ABCC9: variants seen among roughly 807,000 people sequenced by gnomAD.
The protein encoded by ABCC9 is ATP binding cassette subfamily C member 9.
Under a neutral mutation model 188.3 loss-of-function variants are expected in ABCC9, and 95 were observed. The ratio of observed to expected loss-of-function variants is 0.50; its 90% CI spans 0.43 to 0.60. The LOEUF (loss-of-function observed/expected upper bound fraction) is 0.60. ABCC9 is among the 20% of genes least tolerant of loss of function. The pLI, the probability that ABCC9 is intolerant of heterozygous loss-of-function variation, is 0.00. For missense variants in ABCC9, 1,102 were observed against 1,876.3 expected, an observed-to-expected ratio of 0.59 and a Z score of 7.62; for synonymous variants, 659 against 652.7, an observed-to-expected ratio of 1.01 and a Z score of -0.15.
rs779683676 is a variant in ABCC9, at chr12:21,872,593, T to A, written c.2198+32A>T. On this transcript the variant is annotated intron_variant, in intron 18 of 39. Transcript: ENST00000261200. ...TTGGAAGATTATCAGATGTATGACA[T>A]AGCAATGGAAGCCAACTAAAAATAT... The A allele has an allele frequency of 8.2e-6, 12 of 1,469,648 alleles. No homozygotes were observed. In the East Asian group the frequency reaches 2.0e-4, roughly 25 times the overall value. 91.0% of individuals were successfully genotyped at this position (1,469,648 alleles called of 1,614,324 possible). A position where few individuals can be genotyped will look rare whatever the true frequency, so the allele number is the denominator to read the frequency against.
At chr12:21,803,008 G>C (rs909417129) in intron 39 of ABCC9, among the ~76,000 whole-genome samples, 1 of 151,930 alleles carries the variant, frequency 6.6e-6, no homozygotes, top group African/African-American at 2.4e-5. Context: ...CCTATCATTC[G>C]CTGAATATTG....
At chr12:21,906,464 AAG>A (rs1305578770) in intron 11 of ABCC9, among the ~76,000 whole-genome samples, 176 bp from the exon 12 acceptor site, 1 of 152,118 alleles carries the variant, frequency 6.6e-6, no homozygotes, top group African/African-American at 2.4e-5. Context: ...TCATGAAATA[AAG>A]AGTTTAATGA....
chr12:21,912,942 C>T lies in ABCC9; in HGVS notation c.941G>A (p.Gly314Glu), dbSNP rs1328115473. 6.2e-7 allele frequency: 1 copy of T among 1,613,556 alleles called. No homozygotes were observed. The highest frequency in any genetic ancestry group is 8.5e-7 in the Non-Finnish European group (1 of 1,179,694). Residue 314 changes from glycine (G) to glutamate (E), a missense_variant, in exon 8 of 40, where the codon GGA (glycine) becomes GAA (glutamate). Coordinates refer to ENST00000261200, the MANE Select transcript of ABCC9 (RefSeq NM_020297.4). ...RYLADLLGFA[G>E]PLCISGIVQR... The stretch of plus-strand genomic sequence containing the variant: ...AACTATTCCAGAAATACAAAGAGGT[C>T]CAGCAAAACCCAGTAAATCAGCCAG...
chr12:21,913,404 A>G (rs779119429), intron 7 of ABCC9, among the ~76,000 whole-genome samples: 13 of 152,178 alleles, frequency 8.5e-5, no homozygotes, highest in Non-Finnish European at 1.6e-4. Flanking sequence ...GGGAAAATAT[A>G]TATTTGTCAT....
intron 29 of ABCC9, among the ~76,000 whole-genome samples, chr12:21,840,229 A>G (rs12297363): frequency 1.3e-5 from 2 of 152,314 alleles, no homozygotes; most frequent in East Asian, 1.9e-4. Flanking sequence ...TCTTTAGTGT[A>G]TACAAAAATG....
intron 12 of ABCC9, among the ~76,000 whole-genome samples, chr12:21,901,335 A>G (rs1228802221): frequency 1.4e-4 from 21 of 152,238 alleles, no homozygotes; most frequent in South Asian, 4.1e-4. Context: ...AACTGGTACC[A>G]GCCACGGCAA....
chr12:21,806,976 G>T (rs1941899543), intron 38 of ABCC9, among the ~76,000 whole-genome samples: 1 of 152,118 alleles, frequency 6.6e-6, no homozygotes, highest in Non-Finnish European at 1.5e-5. Context: ...AGTGGTGTTG[G>T]TTAGTAATAG....
chr12:21,816,117 C>T (rs1449463397), intron 33 of ABCC9, among the ~76,000 whole-genome samples: 13 of 95,660 alleles, frequency 1.4e-4, no homozygotes, highest in African/African-American at 4.4e-4. Flanking sequence ...CTTTTGATTA[C>T]GCACTTTTAA....
chr12:21,939,398 A>G (rs1051467751), intron 2 of ABCC9, among the ~76,000 whole-genome samples: 1 of 152,186 alleles, frequency 6.6e-6, no homozygotes, highest in Non-Finnish European at 1.5e-5. Flanking sequence ...CAGTAAACTT[A>G]TTGCTGATAT....
In ABCC9 at chr12:21,875,695, C is replaced by T; in HGVS notation, c.2051G>A (p.Gly684Asp). 6.2e-7 allele frequency: 1 copy of T among 1,612,630 alleles called. No homozygotes were observed. Among genetic ancestry groups the T allele is most frequent in the Non-Finnish European group, 8.5e-7 (1 of 1,178,814 alleles). ...ATCTATATTGGATAATGTAGCTAAA[C>T]CACTGCCCCATGAAAAGTATCCATT... ...VTNGYFSWGS[G>D]LATLSNIDIR... is the part of the protein sequence containing the mutation. Residue 684 changes from glycine to aspartate, a missense_variant, in exon 17 of 40, where the codon GGT becomes GAT. Coordinates refer to ENST00000261200, the MANE Select transcript of ABCC9 (RefSeq NM_020297.4).
rs1342969938 is a variant in ABCC9 at position 21,894,141 on chromosome 12, T to C, written c.1693A>G (p.Asn565Asp). The C allele has an allele frequency of 6.2e-7, 1 of 1,614,098 alleles. No homozygotes were observed. The change falls in exon 14 of 40, where the codon AAT (asparagine) becomes GAT (aspartate). Residue 565 changes from asparagine (N) to aspartate (D), a missense_variant. Physicochemically the swap from Asn to Asp is conservative, Grantham distance 23. This residue lies in a region of ABCC9 where 258 missense variants were observed against 325.6 expected (regional missense o/e 0.79). Transcript: ENST00000261200. ...GCAAAGGCCTCTGCAGGTTTCAGAT[T>C]GTTTCCACTGGCATACGCATGGGTC... is the stretch of plus-strand genomic sequence containing the variant. ...FVTHAYASGN[N>D]LKPAEAFASL...
intron 4 of ABCC9, among the ~76,000 whole-genome samples, chr12:21,930,604 C>G (rs1949244206): frequency 6.6e-6 from 1 of 152,124 alleles, no homozygotes; most frequent in South Asian, 2.1e-4. Context: ...ATAGGACTCT[C>G]CAGCACAAAT....
chr12:21,913,134 C>G, intron 7 of ABCC9, 68 bp from the exon 8 acceptor site: 2 of 1,367,590 alleles, frequency 1.5e-6, no homozygotes, highest in Non-Finnish European at 2.0e-6. Flanking sequence ...AGTAACTAAT[C>G]TCATGTATGG....
In ABCC9 at chr12:21,824,839, C is replaced by A. The variant is rs774027500; in HGVS notation, c.3669+4119G>T. ...ATTGATGTGGGATTAGTGGTGATAT[C>A]CCCTTTATCATTTTTTATTGCATGT... is the stretch of plus-strand genomic sequence containing the variant. On this transcript the variant is annotated intron_variant, in intron 31 of 39. Coordinates refer to ENST00000261200, the MANE Select transcript of ABCC9 (RefSeq NM_020297.4). Among the ~76,000 whole-genome samples the A allele has an allele frequency of 2.2e-4, 33 of 152,022 alleles. 1 individual carries two copies. The highest frequency in any genetic ancestry group is 2.0e-4 in the Admixed American group (3 of 15,254).
At chr12:21,882,943 C>T in intron 15 of ABCC9, 70 bp from the exon 16 acceptor site, 3 of 1,115,752 alleles carry the variant, frequency 2.7e-6, no homozygotes, top group Non-Finnish European at 4.1e-6. Context: ...TGAACACTTA[C>T]TCACATTGCT....
chr12:21,821,006 T>G (rs1943005215), intron 31 of ABCC9, among the ~76,000 whole-genome samples: 1 of 152,210 alleles, frequency 6.6e-6, no homozygotes, highest in Non-Finnish European at 1.5e-5. Context: ...TAATGCTAAA[T>G]ACATTGATTG....
intron 22 of ABCC9, among the ~76,000 whole-genome samples, chr12:21,855,957 G>C (rs1428246074): frequency 6.6e-6 from 1 of 152,018 alleles, no homozygotes; most frequent in African/African-American, 2.4e-5. Flanking sequence ...GTGTGATGTT[G>C]GATAAGTTAT....
chr12:21,851,796 T>C (rs1468071369), intron 24 of ABCC9, among the ~76,000 whole-genome samples: 3 of 152,172 alleles, frequency 2.0e-5, no homozygotes, highest in Admixed American at 6.6e-5. Context: ...AACGCCATGC[T>C]TCAGTTAAGT....
chr12:21,926,118 T>C, intron 4 of ABCC9, 55 bp from the exon 5 acceptor site: 6 of 1,607,252 alleles, frequency 3.7e-6, no homozygotes, highest in South Asian at 2.2e-5. Context: ...TAATTTCTTA[T>C]TTTTTTTCAA....
Sources: gnomAD v4.1 joint callset for allele counts (sites outside exome capture counted in the v4.1 genomes callset) on GRCh38, gnomAD v4.1.1 for gene constraint, gnomAD v4.1.1 regional missense constraint, MANE v1.5 for transcripts, NCBI Gene and HGNC (gene_info 2026-07-23, HGNC 2026-07-21) for gene names.